The following RNF170 variants were observed in gnomAD, a reference collection of about 807,000 sequenced individuals.
RNF170 encodes the protein E3 ubiquitin-protein ligase RNF170.
In RNF170, 12 loss-of-function variants were observed where a neutral mutation model predicts 32.7. The observed-to-expected ratio is 0.37, with a 90% confidence interval of 0.24 to 0.60. The LOEUF is 0.60. Among genes scored for constraint, RNF170 ranks in the 20% least tolerant of loss-of-function variants. The pLI, the probability that RNF170 is intolerant of heterozygous loss-of-function variation, is 0.72. For synonymous variants in RNF170, 91 were observed against 103.6 expected (o/e 0.88, Z 0.74); for missense variants, 212 against 311.2 (o/e 0.68, Z 2.40).
At chr8:42,861,587 C>T (rs765352722) in intron 6 of RNF170, 158 bp downstream of exon 6, 47 of 653,688 alleles carry the variant, frequency 7.2e-5, no homozygotes, top group Admixed American at 9.1e-5. Context: ...AAGTGATCCA[C>T]CTGCCTTGGC....
chr8:42,876,634 T>A (rs1348398040), intron 2 of RNF170, among the ~76,000 whole-genome samples: 1 of 151,510 alleles, frequency 6.6e-6, no homozygotes, highest in African/African-American at 2.4e-5. Context: ...CCACCCAGTC[T>A]ATGGTTATTT....
chr8:42,853,134 A>G (rs1014413373), downstream of RNF170, among the ~76,000 whole-genome samples: 1 of 152,144 alleles, frequency 6.6e-6, no homozygotes, highest in Admixed American at 6.5e-5. Flanking sequence ...TGACCAAAAA[A>G]CAAACACACA....
downstream of RNF170, chr8:42,849,770 A>G (rs944796971): frequency 6.6e-6 from 1 of 152,246 alleles, no homozygotes; most frequent in Admixed American, 6.5e-5. Context: ...ATTTCAACTT[A>G]GAGTTCCCTG....
Position 42,888,459 on chromosome 8 carries a change from T to TA in RNF170, c.-7-589dup, listed in dbSNP as rs879849612. The stretch of plus-strand genomic sequence containing the variant: ...TTTTCCTCTTCAAGCTTAACCCCTT[T>TA]AAAAAAAAAAAGCCATTCTTGGGCC... On this transcript the variant is annotated intron_variant, in intron 1 of 6. Transcript: ENST00000527424. Among the ~76,000 whole-genome samples, 170 of 143,432 alleles carry TA rather than the reference T, an allele frequency of 1.2e-3. 1 individual carries two copies. Among genetic ancestry groups the TA allele is most frequent in the East Asian group, 7.7e-3 (38 of 4,924 alleles). 94.1% of individuals were successfully genotyped at this position (143,432 alleles called of 152,430 possible). A position where few individuals can be genotyped will look rare whatever the true frequency, so the allele number is the denominator to read the frequency against.
chr8:42,872,762 CAAT>C (rs1282865664), intron 3 of RNF170, among the ~76,000 whole-genome samples: 2 of 151,902 alleles, frequency 1.3e-5, no homozygotes, highest in East Asian at 3.9e-4. Context: ...ATTCTTGTAT[CAAT>C]AAATATAAGT....
intron 6 of RNF170, among the ~76,000 whole-genome samples, chr8:42,859,026 T>TA (rs1465748374): frequency 6.6e-6 from 1 of 151,800 alleles, no homozygotes; most frequent in Non-Finnish European, 1.5e-5. Context: ...CTACAAAAAA[T>TA]ATAAAAATTA....
intron 1 of RNF170, among the ~76,000 whole-genome samples, chr8:42,894,689 C>T (rs1035161572): frequency 3.3e-5 from 5 of 152,240 alleles, no homozygotes; most frequent in Non-Finnish European, 7.4e-5. Context: ...CTCAGCCTCC[C>T]GAGTAGCTGG....
chr8:42,850,408 T>G (rs952255761), downstream of RNF170: 1 of 269,632 alleles, frequency 3.7e-6, no homozygotes, highest in African/African-American at 2.2e-5. Context: ...GCTGTGATCC[T>G]TTAGGTGAGA....
At chr8:42,882,892 T>C (rs1163527778) in intron 2 of RNF170, among the ~76,000 whole-genome samples, 3 of 152,042 alleles carry the variant, frequency 2.0e-5, no homozygotes, top group Non-Finnish European at 4.4e-5. Flanking sequence ...CGAAACCTTG[T>C]CTCTACCAAA....
At chr8:42,849,648 T>TA (rs1220893328), downstream of RNF170, 2 of 152,182 alleles carry the variant, frequency 1.3e-5, no homozygotes, top group Non-Finnish European at 2.9e-5. Context: ...GCCAGAATAG[T>TA]AGTTTATTAG....
chr8:42,850,830 C>A (rs549664469), downstream of RNF170: 2 of 1,551,532 alleles, frequency 1.3e-6, 1 homozygote, highest in South Asian at 2.4e-5. Context: ...AGTCTAGTAA[C>A]GTGAAGCATA....
rs1166680355 is a variant in RNF170, at chr8:42,855,991, G to C, written c.*168C>G. Reference sequence around the variant, plus strand: ...TAGAACTTCAAACATGAAAATTCCAGTTATACCTAGGTATTTGTCAAATGA... The same window carrying C: ...TAGAACTTCAAACATGAAAATTCCACTTATACCTAGGTATTTGTCAAATGA... On this transcript the variant is annotated 3_prime_UTR_variant, in exon 7 of 7. Transcript: ENST00000527424. 1 of 1,479,896 alleles carries C rather than the reference G, an allele frequency of 6.8e-7. No homozygotes were observed. The highest frequency in any genetic ancestry group is 2.6e-5 in the East Asian group (1 of 38,544). The allele number at this position is 1,479,896 out of a possible 1,614,324, so 91.7% of individuals were successfully genotyped here.
At chr8:42,894,163 G>A (rs543663040) in intron 1 of RNF170, among the ~76,000 whole-genome samples, 11 of 152,152 alleles carry the variant, frequency 7.2e-5, no homozygotes, top group Non-Finnish European at 1.3e-4. Context: ...TTCATCAAAG[G>A]TAACTGGAAT....
Position 42,854,242 on chromosome 8 carries a change from A to C in RNF170, c.*1917T>G, listed in dbSNP as rs924420629. 7 of 1,287,118 alleles carry C rather than the reference A, an allele frequency of 5.4e-6. No homozygotes were observed. Among genetic ancestry groups the C allele is most frequent in the Admixed American group, 2.3e-5 (1 of 43,534 alleles). 79.7% of individuals were successfully genotyped at this position (1,287,118 alleles called of 1,614,324 possible). A position where few individuals can be genotyped will look rare whatever the true frequency, so the allele number is the denominator to read the frequency against. ...TCTGATGGAGGTATAATGTAGCACG[A>C]AAGACTTCCAAAGAACCAGTTTCTC... is the stretch of plus-strand genomic sequence containing the variant. On this transcript the variant is annotated 3_prime_UTR_variant, in exon 7 of 7. Coordinates refer to ENST00000527424, the MANE Select transcript of RNF170 (RefSeq NM_030954.4).
At chr8:42,890,543 C>T (rs1007349866) in intron 1 of RNF170, among the ~76,000 whole-genome samples, 1 of 152,108 alleles carries the variant, frequency 6.6e-6, no homozygotes, top group Non-Finnish European at 1.5e-5. Flanking sequence ...TCCCAAAGTG[C>T]TGGGATTACA....
chr8:42,892,859 C>T (rs1405532594), intron 1 of RNF170, among the ~76,000 whole-genome samples: 3 of 152,088 alleles, frequency 2.0e-5, no homozygotes, highest in Admixed American at 2.0e-4. Flanking sequence ...TGGTGGCACA[C>T]GCCTGTGATC....
At chr8:42,873,897 A>G (rs745625631) in intron 3 of RNF170, 34 bp downstream of exon 3, 1 of 1,168,638 alleles carries the variant, frequency 8.6e-7, no homozygotes, top group East Asian at 2.3e-5. Context: ...GGGAGCTATC[A>G]CATCTACTCC....
chr8:42,854,827 CA>C lies in RNF170; in HGVS notation c.*1331del. On this transcript the variant is annotated 3_prime_UTR_variant, in exon 7 of 7. Coordinates refer to ENST00000527424, the MANE Select transcript of RNF170 (RefSeq NM_030954.4). ...GCCAGCTGAAGTGAGTAAGATCTCC[CA>C]GTACCATGTGGTACTGAGTCTTCTC... is the stretch of plus-strand genomic sequence containing the variant. The C allele has an allele frequency of 7.8e-7, 1 of 1,287,250 alleles. No homozygotes were observed. The highest frequency in any genetic ancestry group is 1.0e-6 in the Non-Finnish European group (1 of 988,696). 79.7% of individuals were successfully genotyped at this position (1,287,250 alleles called of 1,614,324 possible).
chr8:42,881,559 G>A (rs1264660615), intron 2 of RNF170: 4 of 152,274 alleles, frequency 2.6e-5, no homozygotes, highest in Non-Finnish European at 4.4e-5. Context: ...AGAATACTAC[G>A]CACCCATAAA....
Sources: gnomAD v4.1 joint callset for allele counts (sites outside exome capture counted in the v4.1 genomes callset) on GRCh38, gnomAD v4.1.1 for gene constraint, MANE v1.5 for transcripts, NCBI Gene and HGNC (gene_info 2026-07-23, HGNC 2026-07-21) for gene names.